TMEM178B: variants seen among roughly 807,000 people sequenced by gnomAD.
TMEM178B encodes the protein transmembrane protein 178B.
Under a neutral mutation model 31.0 loss-of-function variants are expected in TMEM178B, and 5 were observed. That is an observed-to-expected ratio of 0.16 (90% CI 0.08 to 0.34). The LOEUF (loss-of-function observed/expected upper bound fraction) is 0.34, where lower values mean the gene tolerates loss of function less well. TMEM178B is among the 10% of genes least tolerant of loss of function. The pLI is 1.00. For synonymous variants in TMEM178B, 164 were observed against 164.0 expected, an observed-to-expected ratio of 1.00 and a Z score of 0.00; for missense variants, 275 against 400.3, an observed-to-expected ratio of 0.69 and a Z score of 2.67.
At chr7:141,280,186 C>G (rs1323084058) in intron 2 of TMEM178B, among the ~76,000 whole-genome samples, 1 of 152,072 alleles carries the variant, frequency 6.6e-6, no homozygotes, top group African/African-American at 2.4e-5. Context: ...TGGCTTAGAC[C>G]AGTAATTAAA....
At chr7:141,286,342 A>T (rs1269023789) in intron 2 of TMEM178B, among the ~76,000 whole-genome samples, 1 of 152,202 alleles carries the variant, frequency 6.6e-6, no homozygotes, top group Non-Finnish European at 1.5e-5. Context: ...GCTTAGATAA[A>T]TTCACATTGT....
At chr7:141,338,918 A>C (rs1405995285) in intron 2 of TMEM178B, among the ~76,000 whole-genome samples, 2 of 152,242 alleles carry the variant, frequency 1.3e-5, no homozygotes. Context: ...ATAACTGTGC[A>C]ATGGGGAGCT....
chr7:141,284,782 C>T (rs1275650440), intron 2 of TMEM178B, among the ~76,000 whole-genome samples: 4 of 152,072 alleles, frequency 2.6e-5, no homozygotes, highest in African/African-American at 4.8e-5. Context: ...TGAATCAGAC[C>T]GACCATTGGC....
chr7:141,288,950 C>G (rs904424560), intron 2 of TMEM178B, among the ~76,000 whole-genome samples: 1 of 152,208 alleles, frequency 6.6e-6, no homozygotes, highest in African/African-American at 2.4e-5. Context: ...TGGCTTTCCT[C>G]CCAGTTTTGT....
chr7:141,481,337 C>T (rs185301518), downstream of TMEM178B, among the ~76,000 whole-genome samples: 8 of 152,238 alleles, frequency 5.3e-5, no homozygotes, highest in African/African-American at 1.7e-4. Context: ...ATGGAATAGA[C>T]AATTCCCCAA....
chr7:141,224,329 TCAGA>T (rs1797305117), intron 2 of TMEM178B, among the ~76,000 whole-genome samples: 1 of 152,226 alleles, frequency 6.6e-6, no homozygotes, highest in East Asian at 1.9e-4. Context: ...AGCTACCATA[TCAGA>T]CAGAGCAGTT....
chr7:141,263,219 C>G (rs1364902168), intron 2 of TMEM178B, among the ~76,000 whole-genome samples: 1 of 152,152 alleles, frequency 6.6e-6, no homozygotes, highest in Non-Finnish European at 1.5e-5. Context: ...GTGGCTGACA[C>G]TCTTACTGAC....
In TMEM178B at chr7:141,461,856, A is replaced by G. The variant is rs1467817489; in HGVS notation, c.635-8680A>G. ...CAACTCAGAAATATTTTGGTCATTA[A>G]CCTTTAAGGTGGTACTAGGAAAGAG... On this transcript the variant is annotated intron_variant, in intron 3 of 3. Transcript: ENST00000565468. The surrounding 1 kb of genome is among the most constrained non-coding windows in gnomAD (Gnocchi z 4.0). 6.6e-6 allele frequency among the ~76,000 whole-genome samples: 1 copy of G among 152,110 alleles called. No individual in the cohort carries two copies. Among genetic ancestry groups the G allele is most frequent in the Non-Finnish European group, 1.5e-5 (1 of 68,022 alleles).
chr7:141,298,705 T>C (rs1798675487), intron 2 of TMEM178B, among the ~76,000 whole-genome samples: 1 of 152,252 alleles, frequency 6.6e-6, no homozygotes, highest in Admixed American at 6.5e-5. Flanking sequence ...CTAGCTTTTC[T>C]AGTACCTCTT....
chr7:141,177,409 A>T (rs1430426204), intron 1 of TMEM178B, among the ~76,000 whole-genome samples: 1 of 152,308 alleles, frequency 6.6e-6, no homozygotes, highest in African/African-American at 2.4e-5. Context: ...GCGGAGAAGA[A>T]TGTATATTCT....
intron 2 of TMEM178B, among the ~76,000 whole-genome samples, chr7:141,297,463 C>T (rs912074536): frequency 5.3e-5 from 8 of 152,092 alleles, no homozygotes; most frequent in Admixed American, 5.2e-4. Context: ...CCCATTAACT[C>T]GTCATTTACA....
chr7:141,421,397 G>A (rs1009826485), intron 2 of TMEM178B, among the ~76,000 whole-genome samples: 1 of 152,058 alleles, frequency 6.6e-6, no homozygotes, highest in African/African-American at 2.4e-5. Flanking sequence ...CCTCTGCCTC[G>A]TAGCATGGCA....
chr7:141,177,165 G>T (rs1796447611), intron 1 of TMEM178B, among the ~76,000 whole-genome samples: 1 of 152,030 alleles, frequency 6.6e-6, no homozygotes. Flanking sequence ...GTTCTCATTG[G>T]TTTCAAACTT....
chr7:141,341,249 C>T (rs543864409), intron 2 of TMEM178B, among the ~76,000 whole-genome samples: 2 of 152,188 alleles, frequency 1.3e-5, no homozygotes, highest in Admixed American at 6.6e-5. Context: ...AAGATGACAT[C>T]TAAGGATTCA....
In TMEM178B at chr7:141,212,371, G is replaced by A. The variant is rs146421550; in HGVS notation, c.383-220G>A. Among the ~76,000 whole-genome samples, 52 of 152,262 alleles carry A rather than the reference G, an allele frequency of 3.4e-4. No homozygotes were observed. In the East Asian group the frequency reaches 9.8e-3, roughly 29 times the overall value. ...CTAAACATTGGTTCTTCCCACCTCT[G>A]CATGATCCCAAAGACGTATTTTTCC... On this transcript the variant is annotated intron_variant, in intron 1 of 3. Transcript: ENST00000565468.
chr7:141,115,712 C>T (rs1467077775), intron 1 of TMEM178B, among the ~76,000 whole-genome samples: 4 of 152,108 alleles, frequency 2.6e-5, no homozygotes, highest in African/African-American at 9.7e-5. Flanking sequence ...AGCAAGGATC[C>T]CTGGGGAGGG....
intron 2 of TMEM178B, among the ~76,000 whole-genome samples, chr7:141,248,168 T>C (rs940951690): frequency 6.6e-6 from 1 of 152,030 alleles, no homozygotes. Context: ...CCCAGCACTT[T>C]GGGAGGCTGA....
At chr7:141,190,508 T>C (rs1796680082) in intron 1 of TMEM178B, among the ~76,000 whole-genome samples, 1 of 151,666 alleles carries the variant, frequency 6.6e-6, no homozygotes, top group Non-Finnish European at 1.5e-5. Flanking sequence ...ATGAAGGCTC[T>C]CTATGTTGCC....
chr7:141,466,180 G>C (rs1399685716), intron 3 of TMEM178B, among the ~76,000 whole-genome samples: 1 of 152,146 alleles, frequency 6.6e-6, no homozygotes, highest in East Asian at 1.9e-4. Flanking sequence ...CATCTCAAGT[G>C]GGAGACATAA....
Sources: gnomAD v4.1 joint callset for allele counts (sites outside exome capture counted in the v4.1 genomes callset) on GRCh38, gnomAD v4.1.1 for gene constraint, Gnocchi (gnomAD v3.1) non-coding constraint, MANE v1.5 for transcripts, NCBI Gene and HGNC (gene_info 2026-07-23, HGNC 2026-07-21) for gene names.